The following NPAS3 variants were observed in gnomAD, a reference collection of about 807,000 sequenced individuals.
NPAS3 encodes the protein neuronal PAS domain protein 3.
NPAS3 carries 14 observed loss-of-function variants against 73.1 expected under a neutral mutation model. That is an observed-to-expected ratio of 0.19 (90% CI 0.13 to 0.30). The LOEUF (loss-of-function observed/expected upper bound fraction) is 0.30. Among genes scored for constraint, NPAS3 ranks in the 10% least tolerant of loss-of-function variants. The pLI, the probability that NPAS3 is intolerant of heterozygous loss-of-function variation, is 1.00. For missense variants in NPAS3, 1,096 were observed against 1,250.0 expected (o/e 0.88, Z 1.86); for synonymous variants, 620 against 541.5 (o/e 1.14, Z -2.01).
intron 4 of NPAS3, among the ~76,000 whole-genome samples, chr14:33,521,625 T>C (rs2053561159): frequency 6.6e-6 from 1 of 152,000 alleles, no homozygotes; most frequent in African/African-American, 2.4e-5. Flanking sequence ...ATTCGTAGCA[T>C]CGAAATCCCT....
intron 4 of NPAS3, among the ~76,000 whole-genome samples, chr14:33,508,294 G>A (rs1566959410): frequency 6.6e-6 from 1 of 152,008 alleles, no homozygotes; most frequent in African/African-American, 2.4e-5. Flanking sequence ...TTATAATTAC[G>A]TGACAAATCA....
chr14:33,147,476 A>G (rs983590751), intron 2 of NPAS3, among the ~76,000 whole-genome samples: 9 of 151,748 alleles, frequency 5.9e-5, no homozygotes, highest in Non-Finnish European at 2.9e-5. Context: ...CCAATATGCT[A>G]GGTGATAGAA....
At chr14:33,636,171 C>T (rs1387753637) in intron 5 of NPAS3, among the ~76,000 whole-genome samples, 2 of 152,314 alleles carry the variant, frequency 1.3e-5, no homozygotes, top group East Asian at 1.9e-4. Context: ...CCATCCGCCT[C>T]GGCCTCCCAA....
chr14:33,043,592 A>G (rs187409049), intron 1 of NPAS3, among the ~76,000 whole-genome samples: 329 of 152,276 alleles, frequency 2.2e-3, no homozygotes, highest in African/African-American at 7.7e-3. Flanking sequence ...AATGAATAGA[A>G]TACATGTGTC....
chr14:33,067,200 A>G (rs2041311235), intron 2 of NPAS3, among the ~76,000 whole-genome samples: 1 of 152,202 alleles, frequency 6.6e-6, no homozygotes, highest in Non-Finnish European at 1.5e-5. Flanking sequence ...TTTACCTTAG[A>G]AAAACATCCA....
At chr14:33,409,545 G>GA (rs2047824309) in intron 4 of NPAS3, among the ~76,000 whole-genome samples, 2 of 152,164 alleles carry the variant, frequency 1.3e-5, no homozygotes, top group Non-Finnish European at 2.9e-5. Flanking sequence ...TAGCTTAATA[G>GA]AAAAAAATTC....
At chr14:32,970,166 A>G (rs1305871615) in intron 1 of NPAS3, among the ~76,000 whole-genome samples, 1 of 152,224 alleles carries the variant, frequency 6.6e-6, no homozygotes, top group East Asian at 1.9e-4. Context: ...TGGAAAAGCA[A>G]CTGAACTTAA....
Position 33,099,200 on chromosome 14 carries a change from T to C in NPAS3, c.140+43206T>C, listed in dbSNP as rs1249629745. Among the ~76,000 whole-genome samples the C allele has an allele frequency of 8.5e-5, 13 of 152,212 alleles. No homozygotes were observed. The East Asian group carries it at 2.5e-3, about 29-fold the overall frequency. ...GCACCACTACTACTTGGCTCTCCTG[T>C]GACTGCTCAGCTTTAGCAAAGGTGC... On this transcript the variant is annotated intron_variant, in intron 2 of 11. Transcript: ENST00000356141.
chr14:33,392,567 TA>T (rs2138625780), intron 4 of NPAS3, among the ~76,000 whole-genome samples: 2 of 152,324 alleles, frequency 1.3e-5, no homozygotes, highest in East Asian at 3.9e-4. Flanking sequence ...TTTATCAACA[TA>T]AGACTTGAAT....
At chr14:33,795,734 C>A (rs2063493908) in intron 10 of NPAS3, among the ~76,000 whole-genome samples, 1 of 152,176 alleles carries the variant, frequency 6.6e-6, no homozygotes, top group Non-Finnish European at 1.5e-5. Flanking sequence ...CCTCTGCCCA[C>A]AAATGCAAGG....
rs546962799 is a variant in NPAS3, at chr14:33,287,830, A to G, written c.385+72404A>G. Among the ~76,000 whole-genome samples the G allele has an allele frequency of 4.6e-5, 7 of 152,338 alleles. No homozygotes were observed. The South Asian group carries it at 1.0e-3, about 23-fold the overall frequency. Reference sequence around the variant, plus strand: ...ACTAGTTAAGGTTGAAATATGGACTAGAACCATCGTTCCTGGAATTCAGTG... The same window carrying G: ...ACTAGTTAAGGTTGAAATATGGACTGGAACCATCGTTCCTGGAATTCAGTG... On this transcript the variant is annotated intron_variant, in intron 3 of 11. Coordinates refer to ENST00000356141, the Ensembl canonical transcript of NPAS3.
chr14:33,194,562 G>A (rs1215679053), intron 2 of NPAS3, among the ~76,000 whole-genome samples: 1 of 152,132 alleles, frequency 6.6e-6, no homozygotes, highest in Non-Finnish European at 1.5e-5. Context: ...CACATGGTTT[G>A]TTGCCTTTTT....
At chr14:33,022,794 AATAAT>A (rs1464043463) in intron 1 of NPAS3, among the ~76,000 whole-genome samples, 1 of 152,156 alleles carries the variant, frequency 6.6e-6, no homozygotes, top group Non-Finnish European at 1.5e-5. Context: ...TAAAAGGATA[AATAAT>A]ATATTTTACT....
chr14:33,406,094 T>TG (rs1317615865), intron 4 of NPAS3, among the ~76,000 whole-genome samples: 17 of 151,850 alleles, frequency 1.1e-4, no homozygotes, highest in African/African-American at 3.9e-4. Flanking sequence ...CATCTCAAAC[T>TG]GAAAAAAAAG....
At chr14:33,579,722 G>T (rs530166431) in intron 5 of NPAS3, among the ~76,000 whole-genome samples, 1 of 152,144 alleles carries the variant, frequency 6.6e-6, no homozygotes, top group Admixed American at 6.5e-5. Flanking sequence ...AGAAGAGCAA[G>T]TTCGCCTTAA....
chr14:33,275,468 CT>C (rs1251361522), intron 3 of NPAS3, among the ~76,000 whole-genome samples: 3 of 152,186 alleles, frequency 2.0e-5, no homozygotes, highest in African/African-American at 7.2e-5. Context: ...ATGTGATTCA[CT>C]ACTATTTCAC....
At chr14:33,568,067 C>CA (rs1347932606) in intron 5 of NPAS3, among the ~76,000 whole-genome samples, 1 of 151,018 alleles carries the variant, frequency 6.6e-6, no homozygotes, top group Non-Finnish European at 1.5e-5. Context: ...GTGAGCAAGA[C>CA]AAAAAAAGGA....
intron 4 of NPAS3, among the ~76,000 whole-genome samples, chr14:33,462,005 C>G (rs1230897809): frequency 6.6e-6 from 1 of 152,186 alleles, no homozygotes; most frequent in Non-Finnish European, 1.5e-5. Flanking sequence ...TGAGGAAGTT[C>G]TTCCTGCCTT....
intron 6 of NPAS3, among the ~76,000 whole-genome samples, chr14:33,734,874 G>T (rs566577046): frequency 6.6e-6 from 1 of 152,144 alleles, no homozygotes; most frequent in Admixed American, 6.5e-5. Context: ...TAAATCTACG[G>T]GTCCTTGTCT....
Sources: allele counts gnomAD v4.1 joint callset (sites outside exome capture counted in the v4.1 genomes callset), GRCh38; gene constraint gnomAD v4.1.1; transcripts MANE v1.5; gene names NCBI Gene and HGNC (gene_info 2026-07-23, HGNC 2026-07-21).